DYNC2H1: variants seen among roughly 807,000 people sequenced by gnomAD.
DYNC2H1 encodes the protein dynein cytoplasmic 2 heavy chain 1.
A neutral mutation model predicts 570.0 loss-of-function variants in DYNC2H1; 410 were observed. That is an observed-to-expected ratio of 0.72 (90% confidence interval 0.66 to 0.78). The LOEUF (loss-of-function observed/expected upper bound fraction) is 0.78, where lower values mean the gene tolerates loss of function less well. DYNC2H1 is among the 30% of genes least tolerant of loss of function. The pLI is 0.00. For missense variants in DYNC2H1, 4,865 were observed against 5,046.4 expected (o/e 0.96, Z 1.09); for synonymous variants, 1,688 against 1,677.6 (o/e 1.01, Z -0.15).
intron 83 of DYNC2H1, among the ~76,000 whole-genome samples, chr11:103,377,576 T>C (rs1941444246): frequency 6.6e-6 from 1 of 152,148 alleles, no homozygotes; most frequent in Non-Finnish European, 1.5e-5. Context: ...GTTATATAAT[T>C]CTGTTTTTAA....
intron 85 of DYNC2H1, among the ~76,000 whole-genome samples, chr11:103,440,070 T>C (rs1205350952): frequency 1.3e-5 from 2 of 152,108 alleles, no homozygotes; most frequent in East Asian, 3.9e-4. Context: ...GTTTGGTTCC[T>C]TTATCCTAGT....
intron 75 of DYNC2H1, among the ~76,000 whole-genome samples, chr11:103,288,880 C>CAAAAAAAA (rs546404582): frequency 5.0e-5 from 4 of 80,122 alleles, no homozygotes; most frequent in Non-Finnish European, 7.5e-5. Context: ...GACTCAATCT[C>CAAAAAAAA]AAAAAAAAAA....
intron 17 of DYNC2H1, among the ~76,000 whole-genome samples, chr11:103,136,915 A>G (rs1240705449): frequency 6.6e-6 from 1 of 151,566 alleles, no homozygotes; most frequent in African/African-American, 2.4e-5. Context: ...AATGATTGCC[A>G]TTCTAACTGG....
Position 103,256,085 on chromosome 11 carries a change from T to A in DYNC2H1, c.10327-21T>A. The stretch of plus-strand genomic sequence containing the variant: ...ATTTTTATATGTATAATAATATTCA[T>A]ATTGTTAACTTTCCCTACAGACACT... On this transcript the variant is annotated intron_variant, in intron 67 of 88. Coordinates refer to ENST00000375735, the MANE Select transcript of DYNC2H1 (RefSeq NM_001377.3). This position sits in a 1 kb window ranked among gnomAD's most constrained non-coding sequence, Gnocchi z 4.0. The A allele has an allele frequency of 6.4e-7, 1 of 1,570,868 alleles. No individual in the cohort carries two copies. Among genetic ancestry groups the A allele is most frequent in the African/African-American group, 1.4e-5 (1 of 73,754 alleles).
Position 103,369,057 on chromosome 11 carries a change from A to C in DYNC2H1, c.12156+10698A>C, listed in dbSNP as rs1941036412. 6.6e-6 allele frequency among the ~76,000 whole-genome samples: 1 copy of C among 152,168 alleles called. No individual in the cohort carries two copies. Among genetic ancestry groups the C allele is most frequent in the South Asian group, 2.1e-4 (1 of 4,828 alleles). On this transcript the variant is annotated intron_variant, in intron 83 of 88. Coordinates refer to ENST00000375735, the MANE Select transcript of DYNC2H1 (RefSeq NM_001377.3). The surrounding 1 kb of genome is among the most constrained non-coding windows in gnomAD (Gnocchi z 4.0). ...ACTGGTTTTAACTTCTTATTGCTGA[A>C]AGAGGCATTGAAGAGGTAGGAAAAA...
chr11:103,314,013 GAAC>G (rs1179491982), intron 79 of DYNC2H1, among the ~76,000 whole-genome samples: 1 of 151,972 alleles, frequency 6.6e-6, no homozygotes, highest in Non-Finnish European at 1.5e-5. Context: ...AAGGATAGAT[GAAC>G]AACACTGATA....
intron 80 of DYNC2H1, among the ~76,000 whole-genome samples, chr11:103,317,682 T>C (rs1489582544): frequency 6.6e-6 from 1 of 151,904 alleles, no homozygotes; most frequent in East Asian, 1.9e-4. Flanking sequence ...TCCTTCGGTC[T>C]GAAATGCTTT....
At chr11:103,408,583 G>A (rs1015096015) in intron 84 of DYNC2H1, among the ~76,000 whole-genome samples, 1 of 151,890 alleles carries the variant, frequency 6.6e-6, no homozygotes, top group Non-Finnish European at 1.5e-5. Context: ...GATAGAAACC[G>A]ACCTGGATTA....
rs1865267634 is a variant in DYNC2H1, at chr11:103,261,219, C to G, written c.10695+1242C>G. On this transcript the variant is annotated intron_variant, in intron 70 of 88. Transcript: ENST00000375735. This position sits in a 1 kb window ranked among gnomAD's most constrained non-coding sequence, Gnocchi z 4.8. Reference sequence around the variant, plus strand: ...AGTCAGGGGCTTATAGATAAAACTCCCATCTCCCTGAGACAGAGCAGCTGG... The same window carrying G: ...AGTCAGGGGCTTATAGATAAAACTCGCATCTCCCTGAGACAGAGCAGCTGG... 6.6e-6 allele frequency among the ~76,000 whole-genome samples: 1 copy of G among 152,142 alleles called. No homozygotes were observed. Among genetic ancestry groups the G allele is most frequent in the Non-Finnish European group, 1.5e-5 (1 of 68,004 alleles).
At chr11:103,286,198 A>G (rs1260836410) in intron 73 of DYNC2H1, 57 bp from the exon 74 acceptor site, 1 of 1,579,750 alleles carries the variant, frequency 6.3e-7, no homozygotes, top group Admixed American at 1.9e-5. Flanking sequence ...TTAAAAATAA[A>G]TGTATGTGCT....
intron 70 of DYNC2H1, among the ~76,000 whole-genome samples, chr11:103,266,466 A>G (rs1335907609): frequency 2.0e-5 from 3 of 151,924 alleles, no homozygotes; most frequent in South Asian, 4.2e-4. Context: ...ACTTAGTTCC[A>G]TTCCAGTGGC....
chr11:103,140,244 T>G (rs983458914), intron 17 of DYNC2H1, among the ~76,000 whole-genome samples: 12 of 152,208 alleles, frequency 7.9e-5, no homozygotes, highest in African/African-American at 2.9e-4. Context: ...GTGAATTTGA[T>G]CCTGTCATTG....
At chr11:103,380,377 G>A (rs945308141) in intron 83 of DYNC2H1, among the ~76,000 whole-genome samples, 3 of 152,028 alleles carry the variant, frequency 2.0e-5, no homozygotes, top group Non-Finnish European at 4.4e-5. Flanking sequence ...GAACTAATAT[G>A]CAATAGGTAC....
At position 103,320,260 on chromosome 11, in the gene DYNC2H1, G is replaced by A. The variant is rs571947521; in HGVS notation, c.11726-769G>A. Reference sequence around the variant, plus strand: ...CTCTACTAAAAATACAAAAATTAGCGGCGTGGTGGCATGCGCCTGTAATCC... The same window carrying A: ...CTCTACTAAAAATACAAAAATTAGCAGCGTGGTGGCATGCGCCTGTAATCC... On this transcript the variant is annotated intron_variant, in intron 80 of 88. Transcript: ENST00000375735. 3.3e-5 allele frequency among the ~76,000 whole-genome samples: 5 copies of A among 151,982 alleles called. No homozygotes were observed. In the East Asian group the frequency reaches 5.8e-4, roughly 18 times the overall value.
At chr11:103,222,737 T>G (rs1370097696) in intron 58 of DYNC2H1, among the ~76,000 whole-genome samples, 1 of 152,240 alleles carries the variant, frequency 6.6e-6, no homozygotes, top group East Asian at 1.9e-4. Flanking sequence ...ATCTTTAATT[T>G]AAAGATTCTG....
At chr11:103,433,271 G>A (rs1284985218) in intron 84 of DYNC2H1, among the ~76,000 whole-genome samples, 2 of 151,950 alleles carry the variant, frequency 1.3e-5, no homozygotes, top group Admixed American at 6.6e-5. Context: ...AGGACCTTAT[G>A]TTAATAGTAT....
Position 103,435,999 on chromosome 11 carries a change from G to A in DYNC2H1, c.12423G>A (p.Leu4141=), listed in dbSNP as rs763020958. The A allele has an allele frequency of 6.2e-7, 1 of 1,612,568 alleles. No individual in the cohort carries two copies. Among genetic ancestry groups the A allele is most frequent in the East Asian group, 2.2e-5 (1 of 44,846 alleles). Residue 4141 remains leucine, a synonymous_variant, in exon 85 of 89, where the codon CTG becomes CTA. Transcript: ENST00000375735. ...WEGPEDPLQY[L]RGLVARALAI... Reference sequence around the variant, plus strand: ...GCCCAGAAGATCCCTTACAATACCTGAGAGGTCTTGTTGCCCGTGCCCTTG... The same window carrying A: ...GCCCAGAAGATCCCTTACAATACCTAAGAGGTCTTGTTGCCCGTGCCCTTG...
intron 70 of DYNC2H1, among the ~76,000 whole-genome samples, chr11:103,272,380 A>G (rs1865742232): frequency 6.6e-6 from 1 of 152,070 alleles, no homozygotes; most frequent in Non-Finnish European, 1.5e-5. Context: ...CAATGAGAAC[A>G]CTTGGACACA....
Position 103,365,364 on chromosome 11 carries a change from GA to G in DYNC2H1, c.12156+7017del, listed in dbSNP as rs562729975. ...CAACAAGAGCGAAATTCCGGCTCAG[GA>G]AAAAAAAAAAAGTGTATTGGCCTTT... On this transcript the variant is annotated intron_variant, in intron 83 of 88. Transcript: ENST00000375735. 2.6e-3 allele frequency among the ~76,000 whole-genome samples: 387 copies of G among 146,966 alleles called. 2 individuals carry two copies. The highest frequency in any genetic ancestry group is 7.8e-3 in the South Asian group (36 of 4,642).
Sources: allele counts gnomAD v4.1 joint callset (sites outside exome capture counted in the v4.1 genomes callset), GRCh38; gene constraint gnomAD v4.1.1; non-coding constraint Gnocchi (gnomAD v3.1); transcripts MANE v1.5; gene names NCBI Gene and HGNC (gene_info 2026-07-23, HGNC 2026-07-21).